The following GPC5 variants were observed in gnomAD, a reference collection of about 807,000 sequenced individuals.
The protein encoded by GPC5 is glypican 5.
A neutral mutation model predicts 53.9 loss-of-function variants in GPC5; 47 were observed. The ratio of observed to expected loss-of-function variants is 0.87; its 90% CI spans 0.69 to 1.11. The LOEUF is 1.11. Among genes scored for constraint, GPC5 ranks in the 50% most tolerant of loss-of-function variants. GPC5 has a pLI of 0.00. For missense variants in GPC5, 748 were observed against 713.1 expected, an observed-to-expected ratio of 1.05 and a Z score of -0.56; for synonymous variants, 286 against 263.3, an observed-to-expected ratio of 1.09 and a Z score of -0.84.
At chr13:92,651,746 T>C (rs1885966020) in intron 7 of GPC5, among the ~76,000 whole-genome samples, 1 of 152,188 alleles carries the variant, frequency 6.6e-6, no homozygotes, top group African/African-American at 2.4e-5. Flanking sequence ...TGATGTGGGC[T>C]GTATAGAAGT....
intron 7 of GPC5, among the ~76,000 whole-genome samples, chr13:92,599,803 G>T (rs1405618671): frequency 2.3e-5 from 1 of 42,924 alleles, no homozygotes; most frequent in Non-Finnish European, 4.7e-5. Flanking sequence ...GTTAAATTAA[G>T]ACTTTTTTTT....
At chr13:91,732,312 GT>G (rs1486868437) in intron 4 of GPC5, among the ~76,000 whole-genome samples, 1 of 150,608 alleles carries the variant, frequency 6.6e-6, no homozygotes, top group African/African-American at 2.4e-5. Flanking sequence ...TCATATGTTT[GT>G]TGGCTGCATA....
chr13:92,226,631 C>CT lies in GPC5; in HGVS notation c.1561+81653dup, dbSNP rs1384693388. Among the ~76,000 whole-genome samples, 814 of 143,634 alleles carry CT rather than the reference C, an allele frequency of 5.7e-3. 11 individuals are homozygous for CT. Among genetic ancestry groups the CT allele is most frequent in the South Asian group, 0.039 (176 of 4,488 alleles). 94.2% of individuals were successfully genotyped at this position (143,634 alleles called of 152,430 possible). ...GCAGAACTTTTTTTTTTCTTTTTTT[C>CT]TTTTTTTTTTTGAGGTGGAGTTTCA... On this transcript the variant is annotated intron_variant, in intron 7 of 7. Transcript: ENST00000377067.
chr13:92,170,825 T>C (rs532443377), intron 7 of GPC5, among the ~76,000 whole-genome samples: 1 of 152,156 alleles, frequency 6.6e-6, no homozygotes, highest in East Asian at 1.9e-4. Flanking sequence ...AAATTCAGAG[T>C]CAGCAACATT....
chr13:91,487,129 G>A (rs1232231079), intron 2 of GPC5, among the ~76,000 whole-genome samples: 2 of 152,142 alleles, frequency 1.3e-5, no homozygotes, highest in Non-Finnish European at 2.9e-5. Flanking sequence ...CTGACAAAAT[G>A]CAGATTAACA....
At chr13:92,038,236 A>G (rs745410030) in intron 6 of GPC5, among the ~76,000 whole-genome samples, 3 of 151,906 alleles carry the variant, frequency 2.0e-5, no homozygotes, top group Non-Finnish European at 4.4e-5. Context: ...CTGTGGTGTA[A>G]CAAGTTTTGG....
intron 1 of GPC5, among the ~76,000 whole-genome samples, chr13:91,408,706 G>A (rs1264562727): frequency 6.6e-6 from 1 of 152,092 alleles, no homozygotes; most frequent in African/African-American, 2.4e-5. Context: ...AGTAAATATT[G>A]TTTCATAACT....
At chr13:91,683,314 C>T (rs574803468) in intron 2 of GPC5, among the ~76,000 whole-genome samples, 1 of 152,132 alleles carries the variant, frequency 6.6e-6, no homozygotes, top group Non-Finnish European at 1.5e-5. Flanking sequence ...CAGCCCAGAC[C>T]ACACCTTGAT....
At chr13:91,951,296 A>T (rs2040023608) in intron 6 of GPC5, among the ~76,000 whole-genome samples, 1 of 152,158 alleles carries the variant, frequency 6.6e-6, no homozygotes, top group African/African-American at 2.4e-5. Flanking sequence ...GAATACATAA[A>T]ATTCGAGAAT....
At chr13:91,462,547 A>G (rs1298426994) in intron 2 of GPC5, among the ~76,000 whole-genome samples, 1 of 152,136 alleles carries the variant, frequency 6.6e-6, no homozygotes, top group South Asian at 2.1e-4. Context: ...TTGGATAACT[A>G]CATTTCCTAC....
intron 7 of GPC5, among the ~76,000 whole-genome samples, chr13:92,382,382 A>C (rs2043756114): frequency 6.6e-6 from 1 of 152,154 alleles, no homozygotes; most frequent in Non-Finnish European, 1.5e-5. Flanking sequence ...AAAGTTAAAA[A>C]GAAAAGCCTG....
chr13:92,593,679 A>C (rs934148961), intron 7 of GPC5, among the ~76,000 whole-genome samples: 1 of 152,084 alleles, frequency 6.6e-6, no homozygotes, highest in Admixed American at 6.6e-5. Context: ...GAAGAAGGAC[A>C]TGGTGAAGGA....
intron 7 of GPC5, among the ~76,000 whole-genome samples, chr13:92,181,803 AAG>A (rs1346339594): frequency 6.6e-6 from 1 of 152,218 alleles, no homozygotes; most frequent in Admixed American, 6.5e-5. Context: ...AATGGTGAAA[AAG>A]AGTTTGAGGT....
At chr13:92,488,121 G>T (rs1367653713) in intron 7 of GPC5, among the ~76,000 whole-genome samples, 2 of 151,992 alleles carry the variant, frequency 1.3e-5, no homozygotes, top group Non-Finnish European at 2.9e-5. Flanking sequence ...GTGCCTGAGT[G>T]TGTGTGTGCG....
chr13:91,863,374 A>T (rs1450951574), intron 5 of GPC5, among the ~76,000 whole-genome samples: 1 of 152,080 alleles, frequency 6.6e-6, no homozygotes, highest in Non-Finnish European at 1.5e-5. Context: ...GGGAATAGGA[A>T]TTTTATCTGT....
intron 2 of GPC5, among the ~76,000 whole-genome samples, chr13:91,576,546 G>A (rs2032143878): frequency 6.6e-6 from 1 of 152,136 alleles, no homozygotes; most frequent in Non-Finnish European, 1.5e-5. Context: ...AGTGTTTGAG[G>A]AAACTTTTTA....
intron 3 of GPC5, among the ~76,000 whole-genome samples, chr13:91,699,934 GT>G (rs1016113204): frequency 6.6e-6 from 1 of 151,594 alleles, no homozygotes; most frequent in Non-Finnish European, 1.5e-5. Flanking sequence ...AGGTAATTTT[GT>G]TTTTTTTCAG....
intron 7 of GPC5, among the ~76,000 whole-genome samples, chr13:92,761,484 A>G (rs1180075012): frequency 6.6e-6 from 1 of 152,040 alleles, no homozygotes; most frequent in Non-Finnish European, 1.5e-5. Flanking sequence ...ATCATTACCT[A>G]TTTTCTGGTG....
At chr13:92,421,185 T>C (rs908108583) in intron 7 of GPC5, among the ~76,000 whole-genome samples, 1 of 152,286 alleles carries the variant, frequency 6.6e-6, no homozygotes, top group African/African-American at 2.4e-5. Context: ...CGCAATCCCT[T>C]TTCTAAATGT....
Sources: allele counts gnomAD v4.1 joint callset (sites outside exome capture counted in the v4.1 genomes callset), GRCh38; gene constraint gnomAD v4.1.1; transcripts MANE v1.5; gene names NCBI Gene and HGNC (gene_info 2026-07-23, HGNC 2026-07-21).